Variants in ZNF135 observed in about 807,000 individuals in gnomAD.
The protein encoded by ZNF135 is zinc finger protein 135, also known as zinc finger protein 135 (clone pHZ-17).
A neutral mutation model predicts 12.3 loss-of-function variants in ZNF135; 11 were observed. The ratio of observed to expected loss-of-function variants is 0.89; its 90% confidence interval spans 0.56 to 1.48. ZNF135 has a LOEUF of 1.48. Ranked by LOEUF, ZNF135 falls within the 40% of genes most tolerant of loss-of-function variation. ZNF135 has a pLI of 0.00. For synonymous variants in ZNF135, 316 were observed against 312.0 expected (o/e 1.01, Z -0.14); for missense variants, 722 against 815.7 (o/e 0.89, Z 1.40).
At position 58,060,988 on chromosome 19, in the gene ZNF135, G is replaced by T. The variant is rs1808397; in HGVS notation, c.34-592G>T. On this transcript the variant is annotated intron_variant, in intron 2 of 4. Coordinates refer to ENST00000313434, the MANE Select transcript of ZNF135 (RefSeq NM_001289401.2). The surrounding 1 kb of genome is among the most constrained non-coding windows in gnomAD (Gnocchi z 4.9). ...AAAAATACAAAAAAAAATTAGCCGGGGGGGTGGCGGGCGCCTGTAGTCCCA... is the reference window on the plus strand; with the variant it reads ...AAAAATACAAAAAAAAATTAGCCGGTGGGGTGGCGGGCGCCTGTAGTCCCA... Among the ~76,000 whole-genome samples, 1 of 151,718 alleles carries T rather than the reference G, an allele frequency of 6.6e-6. No homozygotes were observed. Among genetic ancestry groups the T allele is most frequent in the African/African-American group, 2.4e-5 (1 of 41,252 alleles).
At position 58,060,549 on chromosome 19, in the gene ZNF135, C is replaced by G; in HGVS notation, c.33+514C>G. 1 of 723,138 alleles carries G rather than the reference C, an allele frequency of 1.4e-6. No individual in the cohort carries two copies. The highest frequency in any genetic ancestry group is 1.7e-6 in the Non-Finnish European group (1 of 590,272). 44.8% of individuals were successfully genotyped at this position (723,138 alleles called of 1,614,324 possible). ...TAGCATGCTCTGCGCTCCAAGATGGCGCATCGAGTGCCGCTTCCTCAGACG... is the reference window on the plus strand; with the variant it reads ...TAGCATGCTCTGCGCTCCAAGATGGGGCATCGAGTGCCGCTTCCTCAGACG... On this transcript the variant is annotated intron_variant, in intron 2 of 4. Coordinates refer to ENST00000313434, the MANE Select transcript of ZNF135 (RefSeq NM_001289401.2). This position sits in a 1 kb window ranked among gnomAD's most constrained non-coding sequence, Gnocchi z 4.9.
In ZNF135 at chr19:58,067,257, C is replaced by T. The variant is rs978616820; in HGVS notation, c.773C>T (p.Thr258Ile). 4 of 1,614,052 alleles carry T rather than the reference C, an allele frequency of 2.5e-6. No individual in the cohort carries two copies. In the African/African-American group the frequency reaches 4.0e-5, roughly 16 times the overall value. The change falls in exon 5 of 5, where the codon ACC becomes ATC. Residue 258 changes from threonine (T) to isoleucine (I), a missense_variant. Physicochemically the swap from Thr to Ile is moderately conservative, Grantham distance 89. Coordinates refer to ENST00000313434, the MANE Select transcript of ZNF135 (RefSeq NM_001289401.2). Reference protein sequence around the residue: ...LKGFRNSSALTKHQRIHTGEK... With the variant: ...LKGFRNSSALIKHQRIHTGEK... ...GGCTTCCGGAACAGCTCGGCACTTA[C>T]CAAACACCAGAGAATCCATACTGGG...
In ZNF135 at chr19:58,059,328, G is replaced by A. The variant is rs573817036; in HGVS notation, c.-35+18G>A. 1.2e-5 allele frequency: 19 copies of A among 1,544,542 alleles called. No homozygotes were observed. Among genetic ancestry groups the A allele is most frequent in the Admixed American group, 5.5e-5 (3 of 54,812 alleles). On this transcript the variant is annotated intron_variant, in intron 1 of 4. Transcript: ENST00000313434. This position sits in a 1 kb window ranked among gnomAD's most constrained non-coding sequence, Gnocchi z 6.5. ...TCAGGAGGGTGAGCTAGGCCGGCGA[G>A]GAGGGGGAGGGGAGGCCAGGCCGGG...
At position 58,068,260 on chromosome 19, in the gene ZNF135, G is replaced by T. The variant is rs367729073; in HGVS notation, c.1776G>T (p.Ser592=). ...ECGKSFSHSS[S]LSQHERTHTG... Reference sequence around the variant, plus strand: ...GGAAATCCTTCAGCCACAGCTCCTCGCTCAGCCAGCACGAAAGGACGCACA... The same window carrying T: ...GGAAATCCTTCAGCCACAGCTCCTCTCTCAGCCAGCACGAAAGGACGCACA... The change falls in exon 5 of 5, where the codon TCG becomes TCT. Residue 592 remains serine (S), a synonymous_variant. Transcript: ENST00000313434. 2 of 1,613,170 alleles carry T rather than the reference G, an allele frequency of 1.2e-6. No homozygotes were observed. The highest frequency in any genetic ancestry group is 3.3e-5 in the Admixed American group (2 of 59,940).
In ZNF135 at chr19:58,068,564, C is replaced by G. The variant is rs567396549; in HGVS notation, c.*103C>G. On this transcript the variant is annotated 3_prime_UTR_variant, in exon 5 of 5. Transcript: ENST00000313434. ...CACATGAGAAACGTACATTCATACA[C>G]AAGCCTTTTCACACAGCACTCCCCT... 1.5e-6 allele frequency: 2 copies of G among 1,311,490 alleles called. No individual in the cohort carries two copies. Among genetic ancestry groups the G allele is most frequent in the Non-Finnish European group, 2.1e-6 (2 of 967,280 alleles). 81.2% of individuals were successfully genotyped at this position (1,311,490 alleles called of 1,614,324 possible). A position where few individuals can be genotyped will look rare whatever the true frequency, so the allele number is the denominator to read the frequency against.
In ZNF135 at chr19:58,063,549, G is replaced by A; in HGVS notation, c.256+8G>A. 6.2e-7 allele frequency: 1 copy of A among 1,614,002 alleles called. No homozygotes were observed. The highest frequency in any genetic ancestry group is 8.5e-7 in the Non-Finnish European group (1 of 1,179,922). ...CCCAAGGCGTGTACCCAGGTGAGAT[G>A]GGAGCCCTTCGGGGCAGAGAGAAGC... On this transcript the variant is annotated splice_region_variant and intron_variant, in intron 4 of 4. Coordinates refer to ENST00000313434, the MANE Select transcript of ZNF135 (RefSeq NM_001289401.2). This position sits in a 1 kb window ranked among gnomAD's most constrained non-coding sequence, Gnocchi z 4.4.
rs1568616836 is a variant in ZNF135, at chr19:58,067,588, C to T, written c.1104C>T (p.Ser368=). 1 of 1,613,604 alleles carries T rather than the reference C, an allele frequency of 6.2e-7. No homozygotes were observed. Among genetic ancestry groups the T allele is most frequent in the East Asian group, 2.2e-5 (1 of 44,810 alleles). ...GCAAGGCCTTCAGCCACAGCTCATC[C>T]TTGACCAAACACCAGCGAATCCACA... ...ECGKAFSHSS[S]LTKHQRIHTG... is the part of the protein sequence containing the mutation. The change falls in exon 5 of 5, where the codon TCC becomes TCT. Residue 368 remains serine (S), a synonymous_variant. Coordinates refer to ENST00000313434, the MANE Select transcript of ZNF135 (RefSeq NM_001289401.2).
At chr19:58,061,769 G>C in intron 3 of ZNF135, 63 bp downstream of exon 3, 3 of 1,539,716 alleles carry the variant, frequency 1.9e-6, no homozygotes, top group African/African-American at 1.4e-5. Context: ...ATTCTACCAG[G>C]TTAAATATTT....
At position 58,067,499 on chromosome 19, in the gene ZNF135, A is replaced by G; in HGVS notation, c.1015A>G (p.Ile339Val). 2 of 1,613,864 alleles carry G rather than the reference A, an allele frequency of 1.2e-6. No homozygotes were observed. Among genetic ancestry groups the G allele is most frequent in the Non-Finnish European group, 1.7e-6 (2 of 1,179,968 alleles). The change falls in exon 5 of 5, where the codon ATC (isoleucine) becomes GTC (valine). Residue 339 changes from isoleucine (I) to valine (V), a missense_variant. By Grantham distance (29) the Ile-to-Val change is conservative. Transcript: ENST00000313434. ...SECGKAFRQS[I>V]HLTQHLRIHT... The stretch of plus-strand genomic sequence containing the variant: ...GTGTGGGAAAGCCTTCCGGCAAAGC[A>G]TCCACCTCACCCAGCATCTGCGAAT...
chr19:58,064,749 G>T (rs1599927028), intron 4 of ZNF135, among the ~76,000 whole-genome samples: 1 of 151,778 alleles, frequency 6.6e-6, no homozygotes, highest in South Asian at 2.1e-4. Flanking sequence ...AAATTAGCTG[G>T]CCATGGTGGC....
intron 3 of ZNF135, among the ~76,000 whole-genome samples, chr19:58,062,509 A>G (rs943056025): frequency 2.0e-5 from 3 of 151,042 alleles, no homozygotes; most frequent in Admixed American, 6.6e-5. Flanking sequence ...CATCTTCCTG[A>G]GTAGCTGGGA....
At position 58,059,774 on chromosome 19, in the gene ZNF135, TCAGA is replaced by T; in HGVS notation, c.-34-191_-34-188del. The T allele has an allele frequency of 3.1e-6, 2 of 651,530 alleles. No individual in the cohort carries two copies. Among genetic ancestry groups the T allele is most frequent in the South Asian group, 2.1e-5 (1 of 48,394 alleles). The allele number at this position is 651,530 out of a possible 1,614,324, so 40.4% of individuals were successfully genotyped here. A position where few individuals can be genotyped will look rare whatever the true frequency, so the allele number is the denominator to read the frequency against. On this transcript the variant is annotated intron_variant, in intron 1 of 4. Transcript: ENST00000313434. The surrounding 1 kb of genome is among the most constrained non-coding windows in gnomAD (Gnocchi z 6.5). ...GCACCCGCCAGGCCTTCAGCTTCCCTCAGACAGGCGGGAAAACCCTAGGCTGCCC... is the reference window on the plus strand; with the variant it reads ...GCACCCGCCAGGCCTTCAGCTTCCCTCAGGCGGGAAAACCCTAGGCTGCCC...
Position 58,060,722 on chromosome 19 carries a change from A to G in ZNF135, c.33+687A>G, listed in dbSNP as rs1477206635. Among the ~76,000 whole-genome samples the G allele has an allele frequency of 6.6e-6, 1 of 152,174 alleles. No homozygotes were observed. The highest frequency in any genetic ancestry group is 1.9e-4 in the East Asian group (1 of 5,194). On this transcript the variant is annotated intron_variant, in intron 2 of 4. Transcript: ENST00000313434. This position sits in a 1 kb window ranked among gnomAD's most constrained non-coding sequence, Gnocchi z 4.9. ...ATGGCTTGTAGCTGTAATCCCAGCT[A>G]TGGGGGAGGATTGCTTGAGCCCAGG...
chr19:58,067,288 A>G lies in ZNF135; in HGVS notation c.804A>G (p.Lys268=), dbSNP rs564961238. ...TKHQRIHTGE[K]PYKCTQCGRT... ...ACCAGAGAATCCATACTGGGGAGAA[A>G]CCCTATAAATGCACTCAGTGTGGGA... Residue 268 remains lysine (K), a synonymous_variant, in exon 5 of 5, where the codon AAA becomes AAG. Transcript: ENST00000313434. 34 of 1,614,006 alleles carry G rather than the reference A, an allele frequency of 2.1e-5. No individual in the cohort carries two copies. Among genetic ancestry groups the G allele is most frequent in the Non-Finnish European group, 2.7e-5 (32 of 1,179,990 alleles).
rs1286418246 is a variant in ZNF135, at chr19:58,061,706, G to T, written c.160G>T (p.Gly54Ter). 6.2e-7 allele frequency: 1 copy of T among 1,611,764 alleles called. No individual in the cohort carries two copies. Among genetic ancestry groups the T allele is most frequent in the African/African-American group, 1.3e-5 (1 of 74,872 alleles). ...LDTFRLLVSV[G>*]HWLPKPNVIS... is the part of the protein sequence containing the mutation. The stretch of plus-strand genomic sequence containing the variant: ...CACCTTCAGGCTTCTGGTCTCTGTG[G>T]GTAAGGCCACACCCATGTCCTATCT... The change falls in exon 3 of 5, where the codon GGA becomes TGA. Residue 54 changes from glycine (G) to a stop codon, truncating the protein, a stop_gained and splice_region_variant. Coordinates refer to ENST00000313434, the MANE Select transcript of ZNF135 (RefSeq NM_001289401.2). LOFTEE classifies it high-confidence loss of function.
In ZNF135 at chr19:58,069,116, A is replaced by T. The variant is rs189111903; in HGVS notation, c.*655A>T. On this transcript the variant is annotated 3_prime_UTR_variant, in exon 5 of 5. Coordinates refer to ENST00000313434, the MANE Select transcript of ZNF135 (RefSeq NM_001289401.2). ...TGGCAGCCAGTCACAGATTGGAATTACATATGACAAAGTATCAGTGTACTA... is the reference window on the plus strand; with the variant it reads ...TGGCAGCCAGTCACAGATTGGAATTTCATATGACAAAGTATCAGTGTACTA... The T allele has an allele frequency of 4.6e-5, 7 of 153,152 alleles. No homozygotes were observed. The highest frequency in any genetic ancestry group is 1.7e-4 in the African/African-American group (7 of 41,588). 9.5% of individuals were successfully genotyped at this position (153,152 alleles called of 1,614,324 possible).
rs188589884 is a variant in ZNF135 at position 58,065,673 on chromosome 19, G to A, written c.257-1068G>A. Among the ~76,000 whole-genome samples the A allele has an allele frequency of 9.2e-5, 14 of 152,272 alleles. No individual in the cohort carries two copies. Among genetic ancestry groups the A allele is most frequent in the Non-Finnish European group, 1.3e-4 (9 of 68,022 alleles). ...CCTCGTGATTACACAGGTCCACCCAGATAATCCAGTGTAATTTCTCTATCT... is the reference window on the plus strand; with the variant it reads ...CCTCGTGATTACACAGGTCCACCCAAATAATCCAGTGTAATTTCTCTATCT... On this transcript the variant is annotated intron_variant, in intron 4 of 4. Transcript: ENST00000313434. This position sits in a 1 kb window ranked among gnomAD's most constrained non-coding sequence, Gnocchi z 4.0.
In ZNF135 at chr19:58,060,417, C is replaced by T. The variant is rs1287055488; in HGVS notation, c.33+382C>T. 1 of 1,174,602 alleles carries T rather than the reference C, an allele frequency of 8.5e-7. No individual in the cohort carries two copies. Among genetic ancestry groups the T allele is most frequent in the Non-Finnish European group, 1.1e-6 (1 of 942,280 alleles). 72.8% of individuals were successfully genotyped at this position (1,174,602 alleles called of 1,614,324 possible). A position where few individuals can be genotyped will look rare whatever the true frequency, so the allele number is the denominator to read the frequency against. ...GCTGGAGGTCAGCGGGCACGGGTCC[C>T]TGTCTGAGTGGGCTTTATGTTTGTG... On this transcript the variant is annotated intron_variant, in intron 2 of 4. Transcript: ENST00000313434. This position sits in a 1 kb window ranked among gnomAD's most constrained non-coding sequence, Gnocchi z 4.9.
At position 58,059,331 on chromosome 19, in the gene ZNF135, G is replaced by C. The variant is rs1259511306; in HGVS notation, c.-35+21G>C. 2.6e-6 allele frequency: 4 copies of C among 1,520,264 alleles called. No individual in the cohort carries two copies. The highest frequency in any genetic ancestry group is 2.6e-6 in the Non-Finnish European group (3 of 1,139,956). The allele number at this position is 1,520,264 out of a possible 1,614,324, so 94.2% of individuals were successfully genotyped here. A position where few individuals can be genotyped will look rare whatever the true frequency, so the allele number is the denominator to read the frequency against. Reference sequence around the variant, plus strand: ...GGAGGGTGAGCTAGGCCGGCGAGGAGGGGGAGGGGAGGCCAGGCCGGGCCG... The same window carrying C: ...GGAGGGTGAGCTAGGCCGGCGAGGACGGGGAGGGGAGGCCAGGCCGGGCCG... On this transcript the variant is annotated intron_variant, in intron 1 of 4. Coordinates refer to ENST00000313434, the MANE Select transcript of ZNF135 (RefSeq NM_001289401.2). This position sits in a 1 kb window ranked among gnomAD's most constrained non-coding sequence, Gnocchi z 6.5.
Sources: gnomAD v4.1 joint callset for allele counts (sites outside exome capture counted in the v4.1 genomes callset) on GRCh38, gnomAD v4.1.1 for gene constraint, Gnocchi (gnomAD v3.1) non-coding constraint, MANE v1.5 for transcripts, NCBI Gene and HGNC (gene_info 2026-07-23, HGNC 2026-07-21) for gene names.